Variants in MEP1A observed in about 807,000 individuals in gnomAD.
MEP1A encodes meprin A subunit alpha.
A neutral mutation model predicts 84.5 loss-of-function variants in MEP1A; 68 were observed. The ratio of observed to expected loss-of-function variants is 0.80; its 90% CI spans 0.66 to 0.98. MEP1A has a LOEUF of 0.98. Ranked by LOEUF, MEP1A falls within the 50% of genes least tolerant of loss-of-function variation. The pLI is 0.00. For synonymous variants in MEP1A, 337 were observed against 336.8 expected, an observed-to-expected ratio of 1.00 and a Z score of -0.01; for missense variants, 887 against 919.9, an observed-to-expected ratio of 0.96 and a Z score of 0.46.
chr6:46,817,315 A>G (rs1767664412), intron 6 of MEP1A, among the ~76,000 whole-genome samples: 1 of 152,218 alleles, frequency 6.6e-6, no homozygotes. Context: ...GGGATGAGGT[A>G]GGAGAGTAAA....
chr6:46,824,868 A>T (rs190135141), intron 7 of MEP1A, among the ~76,000 whole-genome samples: 10,776 of 49,298 alleles, frequency 0.22, 2,244 homozygotes, highest in African/African-American at 0.27. Context: ...ATATATTTAA[A>T]TAGATCTATT....
chr6:46,845,676 C>T, the MEP1A span, among the ~76,000 whole-genome samples: 1 of 152,162 alleles, frequency 6.6e-6, no homozygotes, highest in East Asian at 1.9e-4. Flanking sequence ...AATTTCTCTC[C>T]TTTGAAGATC....
chr6:46,831,824 C>T (rs761833146), intron 10 of MEP1A, among the ~76,000 whole-genome samples: 3 of 152,196 alleles, frequency 2.0e-5, no homozygotes, highest in Non-Finnish European at 2.9e-5. Flanking sequence ...GTGTCTTCCA[C>T]TAGGCTGCCA....
Position 46,798,623 on chromosome 6 carries a change from T to C in MEP1A, c.163T>C (p.Phe55Leu), listed in dbSNP as rs1342134103. Residue 55 changes from phenylalanine (F) to leucine (L), a missense_variant, in exon 4 of 14, where the codon TTT becomes CTT. By Grantham distance (22) the Phe-to-Leu change is conservative. Transcript: ENST00000230588. Reference sequence around the variant, plus strand: ...ACTTCCAGCTGCAGGCTTGGACCTCTTTCAAGGGGACATCCTCTTGCAGGT... The same window carrying C: ...ACTTCCAGCTGCAGGCTTGGACCTCCTTCAAGGGGACATCCTCTTGCAGGT... ...EINLAAGLDL[F>L]QGDILLQKSR... 3.1e-6 allele frequency: 5 copies of C among 1,613,962 alleles called. No individual in the cohort carries two copies. The highest frequency in any genetic ancestry group is 3.4e-6 in the Non-Finnish European group (4 of 1,179,986).
In MEP1A at chr6:46,834,742, G is replaced by A. The variant is rs200226039; in HGVS notation, c.1774G>A (p.Asp592Asn). The change falls in exon 12 of 14, where the codon GAC (aspartate) becomes AAC (asparagine). Residue 592 changes from aspartate to asparagine, a missense_variant. By Grantham distance (23) the Asp-to-Asn change is conservative. Transcript: ENST00000230588. Reference sequence around the variant, plus strand: ...AAATGATGACCTCATCATATTTGTGGACTTTGAAGGTACTTTTGTTGGTCT... The same window carrying A: ...AAATGATGACCTCATCATATTTGTGAACTTTGAAGGTACTTTTGTTGGTCT... ...LKNDDLIIFV[D>N]FEDITHLSQT... is the part of the protein sequence containing the mutation. 1.9e-6 allele frequency: 3 copies of A among 1,610,596 alleles called. No individual in the cohort carries two copies. Among genetic ancestry groups the A allele is most frequent in the South Asian group, 2.2e-5 (2 of 90,932 alleles).
downstream of MEP1A, among the ~76,000 whole-genome samples, chr6:46,843,980 A>G (rs566303567): frequency 6.6e-6 from 1 of 152,202 alleles, no homozygotes; most frequent in South Asian, 2.1e-4. Flanking sequence ...AATGTAGGCT[A>G]ATCTATATGG....
chr6:46,796,798 A>C (rs1016568663), intron 3 of MEP1A, among the ~76,000 whole-genome samples: 3 of 152,200 alleles, frequency 2.0e-5, no homozygotes, highest in Admixed American at 6.5e-5. Flanking sequence ...TTCACTCTGA[A>C]AGAGCTCCCT....
rs759015582 is a variant in MEP1A, at chr6:46,833,471, G to A, written c.1542G>A (p.Glu514=). The change falls in exon 11 of 14, where the codon GAG becomes GAA. Residue 514 remains glutamate (E), a synonymous_variant. Coordinates refer to ENST00000230588, the MANE Select transcript of MEP1A (RefSeq NM_005588.3). ...RQVIITILDQ[E]PDVRNRMSSS... ...TGATAATTACCATCCTTGACCAGGA[G>A]CCTGATGTCCGGAACAGGATGTCCT... 1.2e-6 allele frequency: 2 copies of A among 1,614,120 alleles called. No homozygotes were observed. The highest frequency in any genetic ancestry group is 1.3e-5 in the African/African-American group (1 of 75,036).
chr6:46,810,197 T>C (rs1767462102), intron 6 of MEP1A, among the ~76,000 whole-genome samples: 1 of 152,144 alleles, frequency 6.6e-6, no homozygotes, highest in Non-Finnish European at 1.5e-5. Flanking sequence ...TAGTTTTGAT[T>C]TGTGTTTCCC....
At chr6:46,814,996 T>C (rs1767600005) in intron 6 of MEP1A, among the ~76,000 whole-genome samples, 1 of 152,154 alleles carries the variant, frequency 6.6e-6, no homozygotes, top group Middle Eastern at 3.2e-3. Flanking sequence ...TGTTTTTGTT[T>C]AGTGTGCTGG....
At chr6:46,820,230 T>C (rs1221777404) in intron 7 of MEP1A, among the ~76,000 whole-genome samples, 1 of 152,224 alleles carries the variant, frequency 6.6e-6, no homozygotes, top group Non-Finnish European at 1.5e-5. Flanking sequence ...TAATTCTAGC[T>C]AGTTATCTGG....
intron 3 of MEP1A, among the ~76,000 whole-genome samples, chr6:46,794,389 G>T (rs780142820): frequency 1.3e-5 from 2 of 152,180 alleles, no homozygotes; most frequent in Non-Finnish European, 2.9e-5. Flanking sequence ...ATATGCAATT[G>T]CATATTTATT....
chr6:46,818,309 C>T lies in MEP1A; in HGVS notation c.381-1220C>T, dbSNP rs558760182. ...TTTGAGTAAAAATCAAATCTGTTAG[C>T]CTTTGAAGGTATACTGTGTCAGTAG... On this transcript the variant is annotated intron_variant, in intron 6 of 13. Transcript: ENST00000230588. Among the ~76,000 whole-genome samples the T allele has an allele frequency of 1.3e-3, 203 of 152,014 alleles. 1 individual carries two copies. Among genetic ancestry groups the T allele is most frequent in the African/African-American group, 4.8e-3 (199 of 41,442 alleles).
At chr6:46,794,487 A>T (rs1276268315) in intron 3 of MEP1A, among the ~76,000 whole-genome samples, 1 of 152,166 alleles carries the variant, frequency 6.6e-6, no homozygotes, top group Non-Finnish European at 1.5e-5. Context: ...CTTGCTCAAG[A>T]TCATAGGTAG....
chr6:46,807,764 GAGAAAGGAAAGAAAGAAAGAA>G (rs1345082218), intron 5 of MEP1A, among the ~76,000 whole-genome samples: 41 of 46,786 alleles, frequency 8.8e-4, no homozygotes, highest in Non-Finnish European at 7.5e-5. Flanking sequence ...GGAAGGAAGG[GAGAAAGGAAAGAAAGAAAGAA>G]AGAAAGAAAG....
intron 13 of MEP1A, among the ~76,000 whole-genome samples, chr6:46,836,972 C>A (rs1562119272): frequency 6.6e-6 from 1 of 152,092 alleles, no homozygotes; most frequent in Non-Finnish European, 1.5e-5. Flanking sequence ...ACAGCATGTC[C>A]ACCAGGCCTC....
intron 13 of MEP1A, among the ~76,000 whole-genome samples, chr6:46,836,863 T>C (rs1362520107): frequency 6.6e-6 from 1 of 151,982 alleles, no homozygotes; most frequent in African/African-American, 2.4e-5. Context: ...GTGGCAAGAT[T>C]AGTAAAGATG....
At chr6:46,797,732 T>C (rs1767075412) in intron 3 of MEP1A, among the ~76,000 whole-genome samples, 1 of 152,196 alleles carries the variant, frequency 6.6e-6, no homozygotes, top group African/African-American at 2.4e-5. Flanking sequence ...GTCTCTGGAC[T>C]CTATTTCTTT....
rs1027020297 is a variant in MEP1A at position 46,825,084 on chromosome 6, T to A, written c.557-188T>A. ...TATTTAAATAAATCTATTTAAATAT[T>A]TATAAATTATGTATTTAAATAAATC... On this transcript the variant is annotated intron_variant, in intron 7 of 13. Transcript: ENST00000230588. Among the ~76,000 whole-genome samples the A allele has an allele frequency of 2.7e-4, 34 of 126,092 alleles. 2 individuals are homozygous for A. Among genetic ancestry groups the A allele is most frequent in the African/African-American group, 7.5e-4 (24 of 31,872 alleles). 82.7% of individuals were successfully genotyped at this position (126,092 alleles called of 152,430 possible).
Sources: gnomAD v4.1 joint callset for allele counts (sites outside exome capture counted in the v4.1 genomes callset) on GRCh38, gnomAD v4.1.1 for gene constraint, MANE v1.5 for transcripts, NCBI Gene and HGNC (gene_info 2026-07-23, HGNC 2026-07-21) for gene names.